LHX5: variants seen among roughly 807,000 people sequenced by gnomAD.
LHX5 encodes the protein LIM homeobox 5.
LHX5 carries 5 observed loss-of-function variants against 30.6 expected under a neutral mutation model. The observed-to-expected ratio is 0.16, with a 90% CI of 0.09 to 0.34. The LOEUF (loss-of-function observed/expected upper bound fraction) is 0.34. Among genes scored for constraint, LHX5 ranks in the 10% least tolerant of loss-of-function variants. The pLI is 1.00. For missense variants in LHX5, 458 were observed against 570.6 expected (o/e 0.80, Z 2.01); for synonymous variants, 266 against 252.6 (o/e 1.05, Z -0.50).
At position 113,468,286 on chromosome 12, in the gene LHX5, C is replaced by T. The variant is rs1958226833; in HGVS notation, c.516G>A (p.Glu172=). ...GCCGCTTGGTGCCCGAGTTCTGCTC[C>T]TCGTTCTCGTTGTTGGCCGTCTCCT... is the stretch of plus-strand genomic sequence containing the variant. ...SDKETANNEN[E]EQNSGTKRRG... Residue 172 remains glutamate, a synonymous_variant, in exon 3 of 5, where the codon GAG becomes GAA. Transcript: ENST00000261731. 1 of 1,614,058 alleles carries T rather than the reference C, an allele frequency of 6.2e-7. No individual in the cohort carries two copies. The highest frequency in any genetic ancestry group is 1.3e-5 in the African/African-American group (1 of 74,950).
rs1407163775 is a variant in LHX5, at chr12:113,465,402, C to A, written c.842-1845G>T. ...CCGGGCCGGAGGTAATTGGAACAAA[C>A]GCCGTCTGAAAAGGGCACAAAAGCC... On this transcript the variant is annotated intron_variant, in intron 4 of 4. Transcript: ENST00000261731. The surrounding 1 kb of genome is among the most constrained non-coding windows in gnomAD (Gnocchi z 6.7). Among the ~76,000 whole-genome samples the A allele has an allele frequency of 1.3e-5, 2 of 152,194 alleles. No homozygotes were observed.
intron 2 of LHX5, 60 bp from the exon 3 acceptor site, chr12:113,468,464 A>G (rs1445450979): frequency 1.0e-5 from 16 of 1,524,010 alleles, no homozygotes; most frequent in East Asian, 2.4e-5. Flanking sequence ...ACGCCTCTTC[A>G]GTCCAGTGGC....
Position 113,465,186 on chromosome 12 carries a change from A to G in LHX5, c.842-1629T>C, listed in dbSNP as rs890176519. ...CTTGGAGGCAGTTTAAGCAACAGCTAAAACGGTTGCCAATTACTTTTTAAA... is the reference window on the plus strand; with the variant it reads ...CTTGGAGGCAGTTTAAGCAACAGCTGAAACGGTTGCCAATTACTTTTTAAA... On this transcript the variant is annotated intron_variant, in intron 4 of 4. Transcript: ENST00000261731. The surrounding 1 kb of genome is among the most constrained non-coding windows in gnomAD (Gnocchi z 6.7). Among the ~76,000 whole-genome samples, 1 of 152,258 alleles carries G rather than the reference A, an allele frequency of 6.6e-6. No homozygotes were observed. Among genetic ancestry groups the G allele is most frequent in the Admixed American group, 6.5e-5 (1 of 15,288 alleles).
In LHX5 at chr12:113,469,297, G is replaced by A; in HGVS notation, c.222C>T (p.Ser74=). 6.2e-7 allele frequency: 1 copy of A among 1,614,132 alleles called. No homozygotes were observed. Among genetic ancestry groups the A allele is most frequent in the Non-Finnish European group, 8.5e-7 (1 of 1,180,044 alleles). ...TGCTCCGGGCCTTGCGCACCAGGTC[G>A]CTGGGCGAGATGCCTTGCGCGCAGC... ...CAGCAQGISP[S]DLVRKARSKV... The change falls in exon 2 of 5, where the codon AGC becomes AGT. Residue 74 remains serine (S), a synonymous_variant. Coordinates refer to ENST00000261731, the MANE Select transcript of LHX5 (RefSeq NM_022363.3).
At chr12:113,468,541 A>C in intron 2 of LHX5, 137 bp from the exon 3 acceptor site, 1 of 1,105,808 alleles carries the variant, frequency 9.0e-7, no homozygotes, top group Non-Finnish European at 1.3e-6. Flanking sequence ...TCCCTCCCAA[A>C]CCTGCGACAG....
chr12:113,468,424 G>A lies in LHX5; in HGVS notation c.398-20C>T. 6.3e-7 allele frequency: 1 copy of A among 1,596,310 alleles called. No homozygotes were observed. The highest frequency in any genetic ancestry group is 2.2e-5 in the East Asian group (1 of 44,478). The stretch of plus-strand genomic sequence containing the variant: ...ATGACACTGCGGGCGGACGGATCGG[G>A]AAGGGGACAGCGGCGTCAGCGACGG... On this transcript the variant is annotated intron_variant, in intron 2 of 4. Transcript: ENST00000261731.
rs891653563 is a variant in LHX5 at position 113,467,428 on chromosome 12, C to T, written c.676-7G>A. 13 of 1,533,728 alleles carry T rather than the reference C, an allele frequency of 8.5e-6. No individual in the cohort carries two copies. The South Asian group carries it at 1.6e-4, about 19-fold the overall frequency. ...GTCGGTTCTGAAACCACACCTGGGA[C>T]AGAGGAGGGGGCTGTGAACCCAGGA... is the stretch of plus-strand genomic sequence containing the variant. On this transcript the variant is annotated splice_polypyrimidine_tract_variant and splice_region_variant and intron_variant, in intron 3 of 4. Coordinates refer to ENST00000261731, the MANE Select transcript of LHX5 (RefSeq NM_022363.3). The surrounding 1 kb of genome is among the most constrained non-coding windows in gnomAD (Gnocchi z 6.3).
Position 113,468,112 on chromosome 12 carries a change from C to G in LHX5, c.675+15G>C, listed in dbSNP as rs781131647. ...GCCAGCGGGGCTAAGGAGCTGTGCC[C>G]GCCCCGGGCCGCACCTGGATGACGC... On this transcript the variant is annotated intron_variant, in intron 3 of 4. Transcript: ENST00000261731. 6.5e-7 allele frequency: 1 copy of G among 1,527,618 alleles called. No individual in the cohort carries two copies. The allele number at this position is 1,527,618 out of a possible 1,614,324, so 94.6% of individuals were successfully genotyped here.
intron 2 of LHX5, 93 bp from the exon 3 acceptor site, chr12:113,468,497 C>G (rs369217074): frequency 7.0e-7 from 1 of 1,427,790 alleles, no homozygotes; most frequent in Non-Finnish European, 9.4e-7. Context: ...GCCCAAGCTA[C>G]GGCCTGCCCA....
rs1958223635 is a variant in LHX5, at chr12:113,467,714, G to T, written c.676-293C>A. Among the ~76,000 whole-genome samples the T allele has an allele frequency of 6.6e-6, 1 of 152,208 alleles. No individual in the cohort carries two copies. Among genetic ancestry groups the T allele is most frequent in the African/African-American group, 2.4e-5 (1 of 41,454 alleles). The stretch of plus-strand genomic sequence containing the variant: ...CTATAAAGGCCTCCCTCCCGGCACG[G>T]CTCTCGCCTCGGCCCCTCGGCTCCG... On this transcript the variant is annotated intron_variant, in intron 3 of 4. Transcript: ENST00000261731. The surrounding 1 kb of genome is among the most constrained non-coding windows in gnomAD (Gnocchi z 6.3).
chr12:113,470,968 A>G (rs143300675), intron 1 of LHX5, among the ~76,000 whole-genome samples: 198 of 152,174 alleles, frequency 1.3e-3, no homozygotes, highest in African/African-American at 4.6e-3. Context: ...ACTCATGCAA[A>G]AATCCTTCCT....
rs973048668 is a variant in LHX5, at chr12:113,464,833, A to G, written c.842-1276T>C. 1.3e-5 allele frequency among the ~76,000 whole-genome samples: 2 copies of G among 152,052 alleles called. No homozygotes were observed. The highest frequency in any genetic ancestry group is 2.9e-5 in the Non-Finnish European group (2 of 67,992). On this transcript the variant is annotated intron_variant, in intron 4 of 4. Coordinates refer to ENST00000261731, the MANE Select transcript of LHX5 (RefSeq NM_022363.3). The surrounding 1 kb of genome is among the most constrained non-coding windows in gnomAD (Gnocchi z 6.2). ...TGTAGGGACTCCGGATTGCAAACCC[A>G]TTCTGCCTCAACAAATCTGTATCAA... is the stretch of plus-strand genomic sequence containing the variant.
In LHX5 at chr12:113,467,206, C is replaced by A; in HGVS notation, c.841+50G>T. ...GCTGGCCGGGACCCTTCGCCCTCAG[C>A]TCCCGGAATAGGACAGGTGCGGAAC... is the stretch of plus-strand genomic sequence containing the variant. On this transcript the variant is annotated intron_variant, in intron 4 of 4. Transcript: ENST00000261731. This position sits in a 1 kb window ranked among gnomAD's most constrained non-coding sequence, Gnocchi z 6.3. 1 of 1,385,306 alleles carries A rather than the reference C, an allele frequency of 7.2e-7. No homozygotes were observed. The highest frequency in any genetic ancestry group is 9.4e-7 in the Non-Finnish European group (1 of 1,061,472). The allele number at this position is 1,385,306 out of a possible 1,614,324, so 85.8% of individuals were successfully genotyped here. A position where few individuals can be genotyped will look rare whatever the true frequency, so the allele number is the denominator to read the frequency against.
intron 2 of LHX5, 41 bp downstream of exon 2, chr12:113,469,081 G>A (rs771518271): frequency 8.8e-6 from 13 of 1,478,150 alleles, no homozygotes; most frequent in Middle Eastern, 1.7e-4. Context: ...CGGTGGGAGG[G>A]TGCTAAGGCC....
rs187656376 is a variant in LHX5, at chr12:113,463,309, T to C, written c.1090A>G (p.Met364Val). Reference sequence around the variant, plus strand: ...CCGCCGCTGAATACCTCGCCGGGCATGGGGTGCAGCGTGCCCGGCAGGCCT... The same window carrying C: ...CCGCCGCTGAATACCTCGCCGGGCACGGGGTGCAGCGTGCCCGGCAGGCCT... Reference protein sequence around the residue: ...EPGLPGTLHPMPGEVFSGGPS... With the variant: ...EPGLPGTLHPVPGEVFSGGPS... Residue 364 changes from methionine (M) to valine (V), a missense_variant, in exon 5 of 5, where the codon ATG (methionine) becomes GTG (valine). Coordinates refer to ENST00000261731, the MANE Select transcript of LHX5 (RefSeq NM_022363.3). This position sits in a 1 kb window ranked among gnomAD's most constrained non-coding sequence, Gnocchi z 6.7. 6.4e-5 allele frequency: 98 copies of C among 1,531,388 alleles called. 1 individual carries two copies. In the African/African-American group the frequency reaches 1.2e-3, roughly 19 times the overall value. The allele number at this position is 1,531,388 out of a possible 1,614,324, so 94.9% of individuals were successfully genotyped here. A position where few individuals can be genotyped will look rare whatever the true frequency, so the allele number is the denominator to read the frequency against.
rs911716386 is a variant in LHX5 at position 113,465,696 on chromosome 12, A to G, written c.841+1560T>C. ...GTGGTCCTCGGGGAAACCTTGGTTA[A>G]TTATCCAGGCGGGGAAAAATTCCGG... On this transcript the variant is annotated intron_variant, in intron 4 of 4. Coordinates refer to ENST00000261731, the MANE Select transcript of LHX5 (RefSeq NM_022363.3). This position sits in a 1 kb window ranked among gnomAD's most constrained non-coding sequence, Gnocchi z 6.7. 6.6e-5 allele frequency among the ~76,000 whole-genome samples: 10 copies of G among 152,312 alleles called. No individual in the cohort carries two copies. The South Asian group carries it at 1.7e-3, about 25-fold the overall frequency.
chr12:113,470,449 A>C (rs1958241935), intron 1 of LHX5, among the ~76,000 whole-genome samples: 1 of 152,204 alleles, frequency 6.6e-6, no homozygotes, highest in Non-Finnish European at 1.5e-5. Flanking sequence ...AACACGTGTA[A>C]AGGAGCGGCT....
In LHX5 at chr12:113,464,624, G is replaced by A. The variant is rs189100444; in HGVS notation, c.842-1067C>T. 7.2e-5 allele frequency among the ~76,000 whole-genome samples: 11 copies of A among 152,332 alleles called. No individual in the cohort carries two copies. Among genetic ancestry groups the A allele is most frequent in the African/African-American group, 2.4e-4 (10 of 41,580 alleles). ...ACGAAGATTCTCTGGGTCATGGCCA[G>A]AGCTCCGCGGGCTCCTTGGGGTAGA... On this transcript the variant is annotated intron_variant, in intron 4 of 4. Transcript: ENST00000261731. This position sits in a 1 kb window ranked among gnomAD's most constrained non-coding sequence, Gnocchi z 6.2.
intron 1 of LHX5, among the ~76,000 whole-genome samples, 157 bp from the exon 2 acceptor site, chr12:113,469,502 A>G (rs1958234698): frequency 6.6e-6 from 1 of 152,222 alleles, no homozygotes. Flanking sequence ...GAGTGGGAGA[A>G]GTGGGACAAA....
Sources: allele counts gnomAD v4.1 joint callset (sites outside exome capture counted in the v4.1 genomes callset), GRCh38; gene constraint gnomAD v4.1.1; non-coding constraint Gnocchi (gnomAD v3.1); transcripts MANE v1.5; gene names NCBI Gene and HGNC (gene_info 2026-07-23, HGNC 2026-07-21).